Variants in USP34 observed in about 807,000 individuals in gnomAD.
USP34 encodes the protein ubiquitin carboxyl-terminal hydrolase 34.
A neutral mutation model predicts 460.3 loss-of-function variants in USP34; 70 were observed. The observed-to-expected ratio is 0.15, with a 90% CI of 0.13 to 0.19. The LOEUF is 0.19. Ranked by LOEUF, USP34 falls within the 10% of genes least tolerant of loss-of-function variation. The probability of loss-of-function intolerance (pLI) is 1.00; values close to 1 mark genes in which losing one functional copy is unlikely to be tolerated. For synonymous variants in USP34, 1,647 were observed against 1,405.3 expected, an observed-to-expected ratio of 1.17 and a Z score of -3.85; for missense variants, 3,985 against 4,236.2, an observed-to-expected ratio of 0.94 and a Z score of 1.65.
At chr2:61,276,154 A>C (rs1054734780) in intron 41 of USP34, among the ~76,000 whole-genome samples, 1 of 152,224 alleles carries the variant, frequency 6.6e-6, no homozygotes, top group African/African-American at 2.4e-5. Context: ...TCTCAGTGAC[A>C]TAAGAATCTG....
At chr2:61,327,453 G>A (rs948630114) in intron 20 of USP34, among the ~76,000 whole-genome samples, 1 of 152,138 alleles carries the variant, frequency 6.6e-6, no homozygotes. Context: ...AACAACAAGG[G>A]ATTTTGTAGC....
chr2:61,319,356 T>C (rs1690843898), intron 21 of USP34, 29 bp from the exon 22 acceptor site: 2 of 1,447,238 alleles, frequency 1.4e-6, no homozygotes, highest in Non-Finnish European at 1.8e-6. Context: ...TTTTATACTT[T>C]ATTAACTACA....
At chr2:61,326,558 G>A (rs940403819) in intron 20 of USP34, among the ~76,000 whole-genome samples, 9 of 151,954 alleles carry the variant, frequency 5.9e-5, no homozygotes, top group Non-Finnish European at 1.2e-4. Context: ...CTTTCCTTTG[G>A]CAACCCCAGT....
chr2:61,352,824 A>AACAAAGATGACGAAGAGG (rs1218733994), intron 10 of USP34, among the ~76,000 whole-genome samples: 1 of 152,178 alleles, frequency 6.6e-6, no homozygotes, highest in African/African-American at 2.4e-5. Context: ...AGGATGAAGA[A>AACAAAGATGACGAAGAGG]ACAAAGATGA....
chr2:61,274,820 T>C (rs1247766893), intron 41 of USP34, among the ~76,000 whole-genome samples: 1 of 152,236 alleles, frequency 6.6e-6, no homozygotes, highest in African/African-American at 2.4e-5. Context: ...ACCAAAACTA[T>C]AAACGTATAC....
chr2:61,441,378 T>C (rs2104025074), intron 1 of USP34, among the ~76,000 whole-genome samples: 1 of 152,102 alleles, frequency 6.6e-6, no homozygotes. Flanking sequence ...CCAGCCCCTG[T>C]AATGAGAAAG....
At chr2:61,317,848 G>A (rs1690797668) in intron 22 of USP34, 81 bp from the exon 23 acceptor site, 2 of 979,810 alleles carry the variant, frequency 2.0e-6, no homozygotes, top group African/African-American at 3.3e-5. Context: ...AAACTTTACT[G>A]AAAACACTGT....
At chr2:61,310,720 G>A (rs1395739506) in intron 27 of USP34, among the ~76,000 whole-genome samples, 33 of 151,200 alleles carry the variant, frequency 2.2e-4, no homozygotes, top group Non-Finnish European at 1.5e-4. Flanking sequence ...AATTTCTTAA[G>A]ATACTTTTGG....
At position 61,248,815 on chromosome 2, in the gene USP34, G is replaced by GGGGATACCTTCTGA. The variant is rs1351965162; in HGVS notation, c.6222-146_6222-133dup. On this transcript the variant is annotated intron_variant, in intron 48 of 79. Coordinates refer to ENST00000398571, the MANE Select transcript of USP34 (RefSeq NM_014709.4). ...AGTATAGTAGTTCCCCTTATCCACA[G>GGGGATACCTTCTGA]GGGATACCTTCTGAGAACACCCCGT... 44 of 773,290 alleles carry GGGGATACCTTCTGA rather than the reference G, an allele frequency of 5.7e-5. No homozygotes were observed. In the Admixed American group the frequency reaches 1.4e-3, roughly 24 times the overall value. The allele number at this position is 773,290 out of a possible 1,614,324, so 47.9% of individuals were successfully genotyped here.
intron 69 of USP34, among the ~76,000 whole-genome samples, chr2:61,210,589 C>G (rs1180189221): frequency 2.0e-5 from 3 of 152,236 alleles, no homozygotes; most frequent in Non-Finnish European, 4.4e-5. Context: ...TATAATTACT[C>G]ACACAGCTAT....
At chr2:61,285,106 T>A (rs1424656594) in intron 34 of USP34, 149 bp from the exon 35 acceptor site, 1 of 580,382 alleles carries the variant, frequency 1.7e-6, no homozygotes. Context: ...TATAACACAA[T>A]AAAGAATGTC....
At chr2:61,322,250 GA>G (rs941739072) in intron 21 of USP34, among the ~76,000 whole-genome samples, 6 of 150,998 alleles carry the variant, frequency 4.0e-5, no homozygotes, top group Admixed American at 3.3e-4. Flanking sequence ...CAAAGACAAA[GA>G]AAAAAAGAAA....
intron 1 of USP34, among the ~76,000 whole-genome samples, chr2:61,422,949 G>A (rs891313000): frequency 6.6e-6 from 1 of 152,006 alleles, no homozygotes; most frequent in Non-Finnish European, 1.5e-5. Context: ...GAAGTGAGCC[G>A]AAAAAAATCA....
At chr2:61,391,004 A>C (rs1212274528) in intron 5 of USP34, among the ~76,000 whole-genome samples, 2 of 152,068 alleles carry the variant, frequency 1.3e-5, no homozygotes, top group Admixed American at 6.5e-5. Flanking sequence ...CTAAGGCAGG[A>C]GAATCGCTTG....
intron 43 of USP34, among the ~76,000 whole-genome samples, chr2:61,264,351 G>A (rs1688984510): frequency 6.6e-6 from 1 of 152,166 alleles, no homozygotes; most frequent in South Asian, 2.1e-4. Flanking sequence ...ATAACATGAT[G>A]AGGCCAGGCT....
chr2:61,428,243 A>C (rs1201457755), intron 1 of USP34, among the ~76,000 whole-genome samples: 2 of 134,360 alleles, frequency 1.5e-5, no homozygotes, highest in African/African-American at 2.9e-5. Flanking sequence ...AATGATTCTC[A>C]AAAAAAAAAA....
chr2:61,301,336 C>T lies in USP34; in HGVS notation c.3918+18G>A. The T allele has an allele frequency of 6.2e-7, 1 of 1,608,056 alleles. No homozygotes were observed. Among genetic ancestry groups the T allele is most frequent in the Non-Finnish European group, 8.5e-7 (1 of 1,177,066 alleles). ...ATAAACAGATCATTAAAACTCAAAC[C>T]ACGTTTTATATATGTACCTGCATAT... On this transcript the variant is annotated intron_variant, in intron 28 of 79. Transcript: ENST00000398571.
In USP34 at chr2:61,228,878, A is replaced by G. The variant is rs1455771370; in HGVS notation, c.7317T>C (p.Leu2439=). The change falls in exon 60 of 80, where the codon CTT becomes CTC. Residue 2439 remains leucine, a synonymous_variant. Transcript: ENST00000398571. ...EHGVKPHSKH[L]TEYFAFLYEF... Reference sequence around the variant, plus strand: ...CGTAAAGGAAGGCAAAATACTCTGTAAGATGTTTACTGTGAGGTTTTACAC... The same window carrying G: ...CGTAAAGGAAGGCAAAATACTCTGTGAGATGTTTACTGTGAGGTTTTACAC... The G allele has an allele frequency of 1.9e-6, 3 of 1,608,820 alleles. No homozygotes were observed. Among genetic ancestry groups the G allele is most frequent in the Admixed American group, 3.4e-5 (2 of 59,118 alleles).
intron 72 of USP34, 79 bp downstream of exon 72, chr2:61,205,938 A>C: frequency 9.2e-7 from 1 of 1,087,702 alleles, no homozygotes; most frequent in Non-Finnish European, 1.4e-6. Context: ...CAAACACTAC[A>C]GGCTTAACAT....
Sources: allele counts gnomAD v4.1 joint callset (sites outside exome capture counted in the v4.1 genomes callset), GRCh38; gene constraint gnomAD v4.1.1; transcripts MANE v1.5; gene names NCBI Gene and HGNC (gene_info 2026-07-23, HGNC 2026-07-21).